Variants in NFIB observed in about 807,000 individuals in gnomAD.
The protein encoded by NFIB is nuclear factor 1 B-type.
In NFIB, 11 loss-of-function variants were observed where a neutral mutation model predicts 61.5. That is an observed-to-expected ratio of 0.18 (90% confidence interval 0.11 to 0.30). The LOEUF (loss-of-function observed/expected upper bound fraction) is 0.30. Ranked by LOEUF, NFIB falls within the 10% of genes least tolerant of loss-of-function variation. The pLI is 1.00. For missense variants in NFIB, 471 were observed against 608.9 expected, an observed-to-expected ratio of 0.77 and a Z score of 2.38; for synonymous variants, 260 against 216.5, an observed-to-expected ratio of 1.20 and a Z score of -1.76.
chr9:14,146,938 G>T (rs1052729432), intron 5 of NFIB, 131 bp from the exon 6 acceptor site: 2 of 1,223,598 alleles, frequency 1.6e-6, no homozygotes, highest in African/African-American at 3.1e-5. Flanking sequence ...GAGTATAATG[G>T]TGAGTATTGA....
At chr9:14,458,618 C>G in the NFIB span, among the ~76,000 whole-genome samples, 23 of 152,254 alleles carry the variant, frequency 1.5e-4, no homozygotes, top group African/African-American at 5.3e-4. Context: ...CTAGAAGACC[C>G]CATCGTCTCA....
chr9:14,140,468 C>T (rs568481926), intron 6 of NFIB, among the ~76,000 whole-genome samples: 2 of 152,250 alleles, frequency 1.3e-5, no homozygotes, highest in South Asian at 4.1e-4. Context: ...TAAACATGTT[C>T]AGTCAAGAGC....
In NFIB at chr9:14,188,210, T is replaced by C. The variant is rs535877056; in HGVS notation, c.563-8430A>G. Among the ~76,000 whole-genome samples the C allele has an allele frequency of 2.2e-4, 34 of 152,352 alleles. No individual in the cohort carries two copies. In the South Asian group the frequency reaches 7.0e-3, roughly 32 times the overall value. ...GTAATTAAATCAAGATTGCATAATA[T>C]GTTTTTGATTTGTAATCTTATTTAA... On this transcript the variant is annotated intron_variant, in intron 2 of 10. Transcript: ENST00000380953.
chr9:14,258,102 T>C (rs1455921375), intron 2 of NFIB, among the ~76,000 whole-genome samples: 2 of 152,240 alleles, frequency 1.3e-5, no homozygotes, highest in African/African-American at 4.8e-5. Context: ...AAAGAACCTT[T>C]TGATGACTCG....
intron 8 of NFIB, among the ~76,000 whole-genome samples, chr9:14,116,740 A>G (rs2038205990): frequency 6.6e-6 from 1 of 152,182 alleles, no homozygotes; most frequent in South Asian, 2.1e-4. Context: ...TCTGCTCTTC[A>G]TTTTCTATAA....
At chr9:14,343,909 T>A (rs1367518690) in intron 1 of NFIB, among the ~76,000 whole-genome samples, 3 of 151,516 alleles carry the variant, frequency 2.0e-5, no homozygotes, top group Admixed American at 2.0e-4. Flanking sequence ...AAAACTGAAG[T>A]GCAAATGGAC....
intron 2 of NFIB, among the ~76,000 whole-genome samples, chr9:14,215,417 A>G (rs1361009043): frequency 7.0e-6 from 1 of 141,962 alleles, no homozygotes; most frequent in Non-Finnish European, 1.5e-5. Flanking sequence ...TTAACTAATA[A>G]ATAAGTAAAA....
At chr9:14,372,335 C>A (rs753478171) in intron 1 of NFIB, among the ~76,000 whole-genome samples, 2 of 152,052 alleles carry the variant, frequency 1.3e-5, no homozygotes, top group Non-Finnish European at 2.9e-5. Context: ...TAATTTTATC[C>A]ATTTTATAAA....
the NFIB span, among the ~76,000 whole-genome samples, chr9:14,476,137 A>T: frequency 6.6e-6 from 1 of 152,026 alleles, no homozygotes; most frequent in Non-Finnish European, 1.5e-5. Context: ...TTCTAACTCT[A>T]CTCCCTAAAC....
At chr9:14,214,250 C>G (rs1030221357) in intron 2 of NFIB, among the ~76,000 whole-genome samples, 1 of 152,214 alleles carries the variant, frequency 6.6e-6, no homozygotes, top group African/African-American at 2.4e-5. Flanking sequence ...CCTCACAGGT[C>G]CTGAGCATGC....
chr9:14,496,686 A>G, the NFIB span, among the ~76,000 whole-genome samples: 6 of 152,158 alleles, frequency 3.9e-5, no homozygotes, highest in African/African-American at 1.4e-4. Flanking sequence ...CACAGTTCCT[A>G]TGGCATTTGC....
At chr9:14,383,157 T>C (rs1300077626) in intron 1 of NFIB, among the ~76,000 whole-genome samples, 2 of 152,204 alleles carry the variant, frequency 1.3e-5, no homozygotes, top group Non-Finnish European at 2.9e-5. Context: ...TAAAGAAAGC[T>C]CGGTAGCAAA....
chr9:14,344,420 T>C (rs547221251), intron 1 of NFIB, among the ~76,000 whole-genome samples: 64 of 144,774 alleles, frequency 4.4e-4, no homozygotes, highest in Admixed American at 1.3e-3. Flanking sequence ...AAGGGGGGGG[T>C]AGAGGGAGTT....
intron 4 of NFIB, among the ~76,000 whole-genome samples, chr9:14,155,208 A>G (rs1386714758): frequency 6.6e-6 from 1 of 152,206 alleles, no homozygotes; most frequent in East Asian, 1.9e-4. Context: ...TAATCAAGGT[A>G]ACGTCCCCTT....
At chr9:14,158,291 C>A (rs554462930) in intron 3 of NFIB, among the ~76,000 whole-genome samples, 2 of 152,150 alleles carry the variant, frequency 1.3e-5, no homozygotes, top group African/African-American at 4.8e-5. Flanking sequence ...CCTCTTTCTA[C>A]ACACTCTAGT....
intron 1 of NFIB, among the ~76,000 whole-genome samples, chr9:14,396,533 A>T (rs2061689222): frequency 6.6e-6 from 1 of 151,742 alleles, no homozygotes. Flanking sequence ...ATATCTTAGG[A>T]CCTGGGCTTT....
At chr9:14,520,854 T>C in the NFIB span, among the ~76,000 whole-genome samples, 1 of 152,226 alleles carries the variant, frequency 6.6e-6, no homozygotes, top group African/African-American at 2.4e-5. Context: ...TATGTATAAA[T>C]GATGGAAGGC....
At chr9:14,408,691 A>G in the NFIB span, among the ~76,000 whole-genome samples, 1 of 152,246 alleles carries the variant, frequency 6.6e-6, no homozygotes, top group Admixed American at 6.5e-5. Flanking sequence ...GTGGAAAAAG[A>G]GTAGAAAAGA....
the NFIB span, among the ~76,000 whole-genome samples, chr9:14,415,347 G>A: frequency 1.2e-4 from 19 of 152,118 alleles, no homozygotes; most frequent in Admixed American, 3.3e-4. Flanking sequence ...TCTTGTATAC[G>A]AGGCATAACC....
Sources: gnomAD v4.1 joint callset for allele counts (sites outside exome capture counted in the v4.1 genomes callset) on GRCh38, gnomAD v4.1.1 for gene constraint, MANE v1.5 for transcripts, NCBI Gene and HGNC (gene_info 2026-07-23, HGNC 2026-07-21) for gene names.